Variants in ADGRG6 observed in about 807,000 individuals in gnomAD.
The protein encoded by ADGRG6 is G-protein coupled receptor 126.
In ADGRG6, 84 loss-of-function variants were observed where a neutral mutation model predicts 142.4. The ratio of observed to expected loss-of-function variants is 0.59; its 90% confidence interval spans 0.49 to 0.71. ADGRG6 has a LOEUF of 0.71. Among genes scored for constraint, ADGRG6 ranks in the 30% least tolerant of loss-of-function variants. The pLI, the probability that ADGRG6 is intolerant of heterozygous loss-of-function variation, is 0.00. For synonymous variants in ADGRG6, 521 were observed against 520.5 expected (o/e 1.00, Z -0.01); for missense variants, 1,367 against 1,466.6 (o/e 0.93, Z 1.11).
In ADGRG6 at chr6:142,370,985, A is replaced by G. The variant is rs760885210; in HGVS notation, c.1069+192A>G. On this transcript the variant is annotated intron_variant, in intron 4 of 24. Transcript: ENST00000367609. ...GTCGTCTGCTCAGCTCTTATAGCAC[A>G]CATTTGATTATAAGCCATGCATGCT... 2.4e-5 allele frequency: 14 copies of G among 583,258 alleles called. No homozygotes were observed. The South Asian group carries it at 3.1e-4, about 13-fold the overall frequency. 36.1% of individuals were successfully genotyped at this position (583,258 alleles called of 1,614,324 possible). A position where few individuals can be genotyped will look rare whatever the true frequency, so the allele number is the denominator to read the frequency against.
chr6:142,442,960 A>G (rs1042408741), intron 24 of ADGRG6, among the ~76,000 whole-genome samples: 1 of 152,178 alleles, frequency 6.6e-6, no homozygotes, highest in Admixed American at 6.6e-5. Context: ...TATCTTAGAT[A>G]TAATTTCTTC....
intron 2 of ADGRG6, among the ~76,000 whole-genome samples, chr6:142,312,038 A>G (rs1200844502): frequency 1.3e-5 from 2 of 151,924 alleles, no homozygotes; most frequent in Admixed American, 6.6e-5. Context: ...TTTAATTATT[A>G]CCACCTCATG....
At chr6:142,416,199 T>TA in intron 20 of ADGRG6, 135 bp downstream of exon 20, 1 of 646,430 alleles carries the variant, frequency 1.5e-6, no homozygotes, top group South Asian at 2.0e-5. Context: ...ATGGATTAGA[T>TA]ATACATAGCC....
intron 2 of ADGRG6, among the ~76,000 whole-genome samples, chr6:142,353,851 G>A (rs1316194486): frequency 6.6e-6 from 1 of 152,200 alleles, no homozygotes; most frequent in East Asian, 1.9e-4. Flanking sequence ...ATAGGATATA[G>A]TGCTGTCTTT....
At chr6:142,427,632 C>A (rs537393988) in intron 22 of ADGRG6, among the ~76,000 whole-genome samples, 14 of 152,222 alleles carry the variant, frequency 9.2e-5, no homozygotes, top group African/African-American at 3.4e-4. Flanking sequence ...TACCAATTTA[C>A]TGTATTAGTC....
intron 2 of ADGRG6, among the ~76,000 whole-genome samples, chr6:142,344,536 G>A (rs1779804721): frequency 6.6e-6 from 1 of 151,866 alleles, no homozygotes; most frequent in South Asian, 2.1e-4. Flanking sequence ...CTGATTTCTA[G>A]GATTTAAGGG....
At chr6:142,365,016 CT>C (rs1415896616) in intron 2 of ADGRG6, among the ~76,000 whole-genome samples, 1 of 152,134 alleles carries the variant, frequency 6.6e-6, no homozygotes, top group Non-Finnish European at 1.5e-5. Context: ...AAAAATGATG[CT>C]GCCTGTCTGC....
Position 142,445,699 on chromosome 6 carries a change from G to T in ADGRG6, c.*2184G>T, listed in dbSNP as rs1284607060. The T allele has an allele frequency of 6.6e-6, 1 of 152,178 alleles. No individual in the cohort carries two copies. The highest frequency in any genetic ancestry group is 1.9e-4 in the East Asian group (1 of 5,196). 9.4% of individuals were successfully genotyped at this position (152,178 alleles called of 1,614,324 possible). A position where few individuals can be genotyped will look rare whatever the true frequency, so the allele number is the denominator to read the frequency against. ...TTGAAAGATTGAGCCAAATTCTGTT[G>T]TCAGTTCTAAGCATGCAGTTCTCAC... On this transcript the variant is annotated 3_prime_UTR_variant, in exon 25 of 25. Transcript: ENST00000367609.
chr6:142,382,053 T>C (rs1326112790), intron 5 of ADGRG6, 34 bp downstream of exon 5: 1 of 1,318,448 alleles, frequency 7.6e-7, no homozygotes, highest in East Asian at 2.4e-5. Context: ...GGAATCTCTT[T>C]GCTTTCTACT....
intron 15 of ADGRG6, among the ~76,000 whole-genome samples, chr6:142,406,409 G>C (rs1009609004): frequency 3.9e-5 from 6 of 152,202 alleles, no homozygotes; most frequent in African/African-American, 1.4e-4. Flanking sequence ...ACCTCTGTTT[G>C]CCTTTACAAG....
intron 2 of ADGRG6, among the ~76,000 whole-genome samples, chr6:142,340,109 G>A (rs1339215926): frequency 1.3e-5 from 2 of 152,092 alleles, no homozygotes; most frequent in Non-Finnish European, 2.9e-5. Context: ...ATGCACAGTA[G>A]AAACCAGGCT....
At chr6:142,347,815 C>A (rs1468046095) in intron 2 of ADGRG6, among the ~76,000 whole-genome samples, 1 of 152,052 alleles carries the variant, frequency 6.6e-6, no homozygotes, top group African/African-American at 2.4e-5. Flanking sequence ...TTTCTAAGTT[C>A]TTAAGAAATA....
Position 142,309,650 on chromosome 6 carries a change from A to T in ADGRG6, c.103+6A>T. On this transcript the variant is annotated splice_donor_region_variant and intron_variant, in intron 2 of 24. Transcript: ENST00000367609. ...CATGTGTGTTCCTCACTCAGGTAAG[A>T]CTCTTCCTCTTTCACACCTGGAATT... 1 of 1,538,268 alleles carries T rather than the reference A, an allele frequency of 6.5e-7. No homozygotes were observed. Among genetic ancestry groups the T allele is most frequent in the Non-Finnish European group, 8.9e-7 (1 of 1,121,894 alleles).
chr6:142,334,663 G>T (rs1453870367), intron 2 of ADGRG6, among the ~76,000 whole-genome samples: 1 of 152,166 alleles, frequency 6.6e-6, no homozygotes, highest in Non-Finnish European at 1.5e-5. Flanking sequence ...GCAATCAAGG[G>T]TCTCTAGCAT....
At chr6:142,427,934 GGTGT>G (rs1562388771) in intron 22 of ADGRG6, among the ~76,000 whole-genome samples, 1 of 152,156 alleles carries the variant, frequency 6.6e-6, no homozygotes, top group African/African-American at 2.4e-5. Flanking sequence ...TTCCTCTCAC[GGTGT>G]GTGAGAATTG....
Position 142,379,003 on chromosome 6 carries a change from A to G in ADGRG6, c.1070-2948A>G, listed in dbSNP as rs899326123. ...TGTTTCCTTCTCAAATCTACAATCTATCTCCAGTGATCCCAAACACTCTAT... is the reference window on the plus strand; with the variant it reads ...TGTTTCCTTCTCAAATCTACAATCTGTCTCCAGTGATCCCAAACACTCTAT... On this transcript the variant is annotated intron_variant, in intron 4 of 24. Transcript: ENST00000367609. 2.5e-4 allele frequency among the ~76,000 whole-genome samples: 38 copies of G among 152,086 alleles called. 1 individual carries two copies. Among genetic ancestry groups the G allele is most frequent in the Admixed American group, 1.6e-3 (25 of 15,276 alleles).
At chr6:142,356,721 A>G (rs1426966177) in intron 2 of ADGRG6, among the ~76,000 whole-genome samples, 1 of 152,188 alleles carries the variant, frequency 6.6e-6, no homozygotes, top group Non-Finnish European at 1.5e-5. Flanking sequence ...TGGAAATCAG[A>G]ACCTCGGGGG....
intron 2 of ADGRG6, among the ~76,000 whole-genome samples, chr6:142,366,656 G>A (rs187450057): frequency 2.0e-3 from 308 of 151,848 alleles, no homozygotes; most frequent in Non-Finnish European, 3.5e-3. Context: ...TCGGGAGGCT[G>A]AGGCACTAGA....
intron 16 of ADGRG6, among the ~76,000 whole-genome samples, chr6:142,408,493 A>T (rs1376165600): frequency 6.6e-6 from 1 of 152,166 alleles, no homozygotes; most frequent in East Asian, 1.9e-4. Context: ...CAGAAAGAGA[A>T]GGGAAGTGAA....
Sources: gnomAD v4.1 joint callset for allele counts (sites outside exome capture counted in the v4.1 genomes callset) on GRCh38, gnomAD v4.1.1 for gene constraint, MANE v1.5 for transcripts, NCBI Gene and HGNC (gene_info 2026-07-23, HGNC 2026-07-21) for gene names.